The following MAGI3 variants were observed in gnomAD, a reference collection of about 807,000 sequenced individuals.
The protein encoded by MAGI3 is membrane-associated guanylate kinase, WW and PDZ domain-containing protein 3.
MAGI3 carries 43 observed loss-of-function variants against 121.8 expected under a neutral mutation model. That is an observed-to-expected ratio of 0.35 (90% CI 0.28 to 0.46). MAGI3 has a LOEUF of 0.46. Ranked by LOEUF, MAGI3 falls within the 20% of genes least tolerant of loss-of-function variation. The probability of loss-of-function intolerance (pLI) is 1.00; values close to 1 mark genes in which losing one functional copy is unlikely to be tolerated. For synonymous variants in MAGI3, 553 were observed against 639.3 expected, an observed-to-expected ratio of 0.86 and a Z score of 2.04; for missense variants, 1,547 against 1,797.3, an observed-to-expected ratio of 0.86 and a Z score of 2.52.
At chr1:113,605,661 G>A (rs994728079) in intron 6 of MAGI3, among the ~76,000 whole-genome samples, 1 of 151,824 alleles carries the variant, frequency 6.6e-6, no homozygotes, top group East Asian at 1.9e-4. Flanking sequence ...GTGCAGTGGC[G>A]CAATCTTGGA....
chr1:113,580,770 C>T, intron 3 of MAGI3, 109 bp downstream of exon 3: 1 of 1,103,926 alleles, frequency 9.1e-7, no homozygotes, highest in Non-Finnish European at 1.2e-6. Context: ...AACTTTTTTT[C>T]CTCTCTGTTT....
intron 19 of MAGI3, 80 bp downstream of exon 19, chr1:113,673,545 G>A (rs1009093379): frequency 4.3e-5 from 61 of 1,421,420 alleles, no homozygotes; most frequent in Admixed American, 6.6e-5. Flanking sequence ...TGATTTAAAG[G>A]GAATGCAGGA....
chr1:113,549,149 G>A (rs934019927), intron 1 of MAGI3, among the ~76,000 whole-genome samples: 17 of 152,178 alleles, frequency 1.1e-4, no homozygotes, highest in African/African-American at 3.6e-4. Flanking sequence ...TGAGTTTAGA[G>A]CTTGGCAGAG....
intron 9 of MAGI3, 36 bp from the exon 10 acceptor site, chr1:113,641,875 G>T (rs1264643095): frequency 1.3e-6 from 2 of 1,510,418 alleles, no homozygotes; most frequent in Non-Finnish European, 8.9e-7. Flanking sequence ...CTTATTTGTT[G>T]ATTTTAATAT....
At chr1:113,602,021 A>T (rs569916892) in intron 6 of MAGI3, among the ~76,000 whole-genome samples, 1 of 152,112 alleles carries the variant, frequency 6.6e-6, no homozygotes, top group Non-Finnish European at 1.5e-5. Flanking sequence ...GAACTGAACA[A>T]TGAGAACACA....
At chr1:113,578,772 G>A (rs1396524689) in intron 2 of MAGI3, among the ~76,000 whole-genome samples, 1 of 151,594 alleles carries the variant, frequency 6.6e-6, no homozygotes, top group East Asian at 1.9e-4. Context: ...AAAAATTAAA[G>A]GAAAAAAGCT....
At chr1:113,441,211 C>T (rs943895213) in intron 1 of MAGI3, among the ~76,000 whole-genome samples, 1 of 152,132 alleles carries the variant, frequency 6.6e-6, no homozygotes, top group African/African-American at 2.4e-5. Flanking sequence ...TCCCCTTTCA[C>T]TCTTACCAGA....
chr1:113,457,183 A>G (rs181776112), intron 1 of MAGI3, among the ~76,000 whole-genome samples: 122 of 152,276 alleles, frequency 8.0e-4, no homozygotes, highest in East Asian at 3.1e-3. Flanking sequence ...ACTGGCTCCT[A>G]TATTGTTCTG....
chr1:113,530,841 AG>A (rs532753091), intron 1 of MAGI3, among the ~76,000 whole-genome samples: 105 of 152,162 alleles, frequency 6.9e-4, no homozygotes, highest in Non-Finnish European at 1.4e-3. Flanking sequence ...GCTTGAGCCT[AG>A]GGGGTCGAGG....
At chr1:113,553,125 G>A (rs1470922015) in intron 2 of MAGI3, among the ~76,000 whole-genome samples, 1 of 152,182 alleles carries the variant, frequency 6.6e-6, no homozygotes, top group Non-Finnish European at 1.5e-5. Context: ...AGCTGTAGGT[G>A]GAACAGGACT....
Position 113,622,979 on chromosome 1 carries a change from G to A in MAGI3, c.1345G>A (p.Gly449Arg). 6.6e-7 allele frequency: 1 copy of A among 1,517,960 alleles called. No homozygotes were observed. The highest frequency in any genetic ancestry group is 2.5e-5 in the Admixed American group (1 of 40,006). 94.0% of individuals were successfully genotyped at this position (1,517,960 alleles called of 1,614,324 possible). A position where few individuals can be genotyped will look rare whatever the true frequency, so the allele number is the denominator to read the frequency against. ...GAAAGATGGTCCCGCAGCTCAGGATGGGAAAATTGCACCAGGTAAGAAATT... is the reference window on the plus strand; with the variant it reads ...GAAAGATGGTCCCGCAGCTCAGGATAGGAAAATTGCACCAGGTAAGAAATT... ...VLKDGPAAQD[G>R]KIAPGDVIVD... Residue 449 changes from glycine to arginine, a missense_variant, in exon 9 of 21, where the codon GGG becomes AGG. By Grantham distance (125) the Gly-to-Arg change is moderately radical (BLOSUM62 -2). Coordinates refer to ENST00000307546, the MANE Select transcript of MAGI3 (RefSeq NM_001142782.2).
At chr1:113,669,483 G>C (rs1440407999) in intron 16 of MAGI3, among the ~76,000 whole-genome samples, 2 of 152,206 alleles carry the variant, frequency 1.3e-5, no homozygotes, top group African/African-American at 4.8e-5. Flanking sequence ...AGCCAGGAGT[G>C]CCCAGGTAAC....
chr1:113,682,309 T>C, intron 20 of MAGI3: 1 of 1,587,238 alleles, frequency 6.3e-7, no homozygotes. Context: ...CTTGGTAAAT[T>C]TGCATGTCTT....
chr1:113,675,156 T>C (rs1647796538), intron 19 of MAGI3, among the ~76,000 whole-genome samples: 1 of 152,212 alleles, frequency 6.6e-6, no homozygotes, highest in South Asian at 2.1e-4. Context: ...CAGAGCAATC[T>C]GCTGATAAAA....
At chr1:113,542,145 C>T (rs1659317794) in intron 1 of MAGI3, among the ~76,000 whole-genome samples, 1 of 152,006 alleles carries the variant, frequency 6.6e-6, no homozygotes. Context: ...TGTCCCAAGA[C>T]CCCCCAGTGG....
At chr1:113,471,868 A>G (rs1655553004) in intron 1 of MAGI3, among the ~76,000 whole-genome samples, 1 of 152,138 alleles carries the variant, frequency 6.6e-6, no homozygotes, top group Non-Finnish European at 1.5e-5. Flanking sequence ...ATTATTATGC[A>G]CTTCATGACT....
At chr1:113,460,392 A>C (rs1570707744) in intron 1 of MAGI3, among the ~76,000 whole-genome samples, 1 of 152,208 alleles carries the variant, frequency 6.6e-6, no homozygotes, top group Admixed American at 6.5e-5. Context: ...TACCACTTCA[A>C]TTCAACATAG....
At chr1:113,427,005 A>G (rs1021125945) in intron 1 of MAGI3, among the ~76,000 whole-genome samples, 1 of 151,932 alleles carries the variant, frequency 6.6e-6, no homozygotes, top group African/African-American at 2.4e-5. Context: ...CTCTCTTTAT[A>G]TATTTGTGTA....
intron 2 of MAGI3, among the ~76,000 whole-genome samples, chr1:113,551,422 A>G (rs12730675): frequency 0.23 from 34,720 of 152,160 alleles, 4,962 homozygotes; most frequent in South Asian, 0.38. Context: ...CTTGTCCAAA[A>G]TCTATAGTTT....
Sources: allele counts gnomAD v4.1 joint callset (sites outside exome capture counted in the v4.1 genomes callset), GRCh38; gene constraint gnomAD v4.1.1; transcripts MANE v1.5; gene names NCBI Gene and HGNC (gene_info 2026-07-23, HGNC 2026-07-21).